Variants in EDA observed in about 807,000 individuals in gnomAD.
EDA encodes the protein ectodysplasin-A.
Under a neutral mutation model 23.6 loss-of-function variants are expected in EDA, and 2 were observed. The observed-to-expected ratio is 0.08, with a 90% CI of 0.03 to 0.27. The LOEUF (loss-of-function observed/expected upper bound fraction) is 0.27. EDA is among the 10% of genes least tolerant of loss of function. EDA has a pLI of 1.00. For synonymous variants in EDA, 131 were observed against 132.0 expected (o/e 0.99, Z 0.05); for missense variants, 229 against 324.2 (o/e 0.71, Z 2.26).
chrX:70,030,939 T>C (rs1382263898), intron 6 of EDA, among the ~76,000 whole-genome samples: 1 of 112,575 alleles, frequency 8.9e-6, no homozygotes, highest in Non-Finnish European at 1.9e-5. Context: ...TCAGGGAAGG[T>C]GGGGCATGTT....
intron 1 of EDA, among the ~76,000 whole-genome samples, chrX:69,938,852 A>G (rs1008141227): frequency 1.8e-5 from 2 of 112,128 alleles, no homozygotes; most frequent in Admixed American, 9.4e-5. Flanking sequence ...TACTGAAGAG[A>G]CTGTCTTTTC....
At chrX:69,698,492 G>A (rs1233538408) in intron 1 of EDA, among the ~76,000 whole-genome samples, 1 of 111,766 alleles carries the variant, frequency 8.9e-6, no homozygotes, top group African/African-American at 3.3e-5. Flanking sequence ...GTTGCTTCAC[G>A]AATAAAAGAC....
At chrX:69,632,285 T>C (rs1418171497) in intron 1 of EDA, among the ~76,000 whole-genome samples, 2 of 111,853 alleles carry the variant, frequency 1.8e-5, no homozygotes, top group Non-Finnish European at 1.9e-5. Flanking sequence ...GCTTGACTTT[T>C]TGTCTTACAG....
At chrX:69,956,390 G>A (rs1247572123) in intron 1 of EDA, among the ~76,000 whole-genome samples, 1 of 98,010 alleles carries the variant, frequency 1.0e-5, no homozygotes, top group Non-Finnish European at 2.0e-5. Flanking sequence ...TGCCCAGGCT[G>A]GAGTGCAGTG....
At chrX:69,828,301 C>T (rs994914365) in intron 1 of EDA, among the ~76,000 whole-genome samples, 22 of 112,139 alleles carry the variant, frequency 2.0e-4, no homozygotes, top group African/African-American at 6.1e-4. Flanking sequence ...CTCCCAGCCT[C>T]GCTGCCGCCT....
intron 1 of EDA, among the ~76,000 whole-genome samples, chrX:69,676,973 C>T (rs1381522124): frequency 5.8e-5 from 4 of 69,509 alleles, no homozygotes; most frequent in Admixed American, 1.9e-4. Flanking sequence ...TGCTATCCCT[C>T]CCCCCTCCCC....
intron 1 of EDA, among the ~76,000 whole-genome samples, chrX:69,707,517 G>C (rs1187900238): frequency 9.0e-6 from 1 of 111,316 alleles, no homozygotes; most frequent in East Asian, 2.8e-4. Flanking sequence ...CTTTAGTTTG[G>C]GACCCCTTGT....
intron 1 of EDA, among the ~76,000 whole-genome samples, chrX:69,784,188 T>G: frequency 1.1e-5 from 1 of 94,429 alleles, no homozygotes; most frequent in Non-Finnish European, 2.2e-5. Flanking sequence ...ATTCTGGATA[T>G]TAGCCCTTTG....
intron 1 of EDA, among the ~76,000 whole-genome samples, chrX:69,699,611 C>T (rs975552238): frequency 1.8e-5 from 2 of 111,278 alleles, no homozygotes; most frequent in African/African-American, 3.3e-5. Flanking sequence ...GCAGGTCATC[C>T]GAGAACTGTG....
In EDA at chrX:69,667,269, C is replaced by A. The variant is rs555965351; in HGVS notation, c.396+50565C>A. 4.6e-5 allele frequency among the ~76,000 whole-genome samples: 5 copies of A among 108,406 alleles called. 1 individual carries two copies. In the Middle Eastern group the frequency reaches 0.019, roughly 405 times the overall value. 94.1% of individuals were successfully genotyped at this position (108,406 alleles called of 115,157 possible). A position where few individuals can be genotyped will look rare whatever the true frequency, so the allele number is the denominator to read the frequency against. On this transcript the variant is annotated intron_variant, in intron 1 of 7. Coordinates refer to ENST00000374552, the MANE Select transcript of EDA (RefSeq NM_001399.5). ...CTGAGACTACAGGCGCCCACCACCA[C>A]GCCCAGCTAATTTTTTTTTATTTTT...
chrX:69,690,802 A>G (rs1270017219), intron 1 of EDA, among the ~76,000 whole-genome samples: 2 of 111,964 alleles, frequency 1.8e-5, no homozygotes, highest in East Asian at 2.8e-4. Flanking sequence ...TACAAATTCA[A>G]TCACTTGTTT....
intron 1 of EDA, among the ~76,000 whole-genome samples, chrX:69,739,455 TGATTG>T (rs1310853328): frequency 4.5e-5 from 5 of 111,137 alleles, no homozygotes; most frequent in Non-Finnish European, 9.5e-5. Flanking sequence ...CTCTGACTTT[TGATTG>T]GATTGTTTAG....
intron 1 of EDA, among the ~76,000 whole-genome samples, chrX:69,888,978 T>TATATATATA (rs1556026049): frequency 0.016 from 255 of 16,009 alleles, 23 homozygotes; most frequent in Non-Finnish European, 0.021. Flanking sequence ...TGTGGGGTAG[T>TATATATATA]TATATATATA....
chrX:70,014,335 C>T (rs775044076), intron 2 of EDA, among the ~76,000 whole-genome samples: 4 of 112,880 alleles, frequency 3.5e-5, no homozygotes, highest in Non-Finnish European at 5.6e-5. Flanking sequence ...ACTTTGCTAG[C>T]GTACCCCCCG....
intron 2 of EDA, among the ~76,000 whole-genome samples, chrX:69,992,169 A>G (rs940363761): frequency 3.6e-5 from 4 of 111,830 alleles, no homozygotes; most frequent in East Asian, 5.6e-4. Context: ...GCACTGGGAT[A>G]TATGAGAGAC....
rs752675053 is a variant in EDA, at chrX:69,616,458, G to A, written c.150G>A (p.Ser50=). Residue 50 remains serine, a synonymous_variant, in exon 1 of 8, where the codon TCG becomes TCA. Coordinates refer to ENST00000374552, the MANE Select transcript of EDA (RefSeq NM_001399.5). ...TCTTCCTGGGTTTCTTTGGCCTCTC[G>A]CTGGCCCTCCACCTGCTGACGTTGT... The part of the protein sequence containing the change: ...CLLFLGFFGL[S]LALHLLTLCC... 5 of 1,211,959 alleles carry A rather than the reference G, an allele frequency of 4.1e-6. No individual in the cohort carries two copies. The Admixed American group carries it at 8.7e-5, about 21-fold the overall frequency.
intron 2 of EDA, among the ~76,000 whole-genome samples, chrX:69,990,484 A>AG (rs1191502143): frequency 9.0e-6 from 1 of 110,627 alleles, no homozygotes; most frequent in African/African-American, 3.3e-5. Flanking sequence ...GTTATCTGCC[A>AG]GGGGGGATGA....
chrX:69,822,714 T>C (rs963807322), intron 1 of EDA, among the ~76,000 whole-genome samples: 3 of 111,269 alleles, frequency 2.7e-5, no homozygotes, highest in African/African-American at 9.8e-5. Flanking sequence ...ATTATTATTA[T>C]ACTTTAAGTT....
chrX:69,810,633 G>A (rs762304958), intron 1 of EDA, among the ~76,000 whole-genome samples: 1 of 109,144 alleles, frequency 9.2e-6, no homozygotes, highest in Admixed American at 9.9e-5. Flanking sequence ...GTGGCCACCT[G>A]TAATCCTAGC....
Sources: allele counts gnomAD v4.1 joint callset (sites outside exome capture counted in the v4.1 genomes callset), GRCh38; gene constraint gnomAD v4.1.1; transcripts MANE v1.5; gene names NCBI Gene and HGNC (gene_info 2026-07-23, HGNC 2026-07-21).